The following PDE3B variants were observed in gnomAD, a reference collection of about 807,000 sequenced individuals.
PDE3B encodes phosphodiesterase 3B.
Under a neutral mutation model 116.8 loss-of-function variants are expected in PDE3B, and 66 were observed. The ratio of observed to expected loss-of-function variants is 0.56; its 90% confidence interval spans 0.46 to 0.69. The LOEUF (loss-of-function observed/expected upper bound fraction) is 0.69, where lower values mean the gene tolerates loss of function less well. PDE3B is among the 30% of genes least tolerant of loss of function. PDE3B has a pLI of 0.00. For missense variants in PDE3B, 1,384 were observed against 1,368.1 expected, an observed-to-expected ratio of 1.01 and a Z score of -0.18; for synonymous variants, 595 against 533.6, an observed-to-expected ratio of 1.12 and a Z score of -1.59.
the PDE3B span, among the ~76,000 whole-genome samples, chr11:14,881,042 T>C: frequency 1.3e-5 from 2 of 152,052 alleles, no homozygotes; most frequent in Non-Finnish European, 2.9e-5. Context: ...CCTGGTGAAA[T>C]AGGCCCAGGT....
At chr11:14,853,246 A>G (rs1422093783) in intron 12 of PDE3B, among the ~76,000 whole-genome samples, 5 of 151,998 alleles carry the variant, frequency 3.3e-5, no homozygotes, top group African/African-American at 1.2e-4. Flanking sequence ...ATCATTTAGG[A>G]TACTATATAT....
intron 1 of PDE3B, among the ~76,000 whole-genome samples, chr11:14,672,445 A>G (rs1051783302): frequency 2.6e-5 from 4 of 152,196 alleles, no homozygotes; most frequent in Admixed American, 6.6e-5. Context: ...GAAAATCACA[A>G]TGTTTTATTA....
chr11:14,878,192 G>T, the PDE3B span: 1 of 1,613,092 alleles, frequency 6.2e-7, no homozygotes, highest in African/African-American at 1.3e-5. Context: ...CTTCAGATCT[G>T]GAACTAGTTC....
chr11:14,848,619 C>G (rs1847667655), intron 12 of PDE3B, among the ~76,000 whole-genome samples: 1 of 152,174 alleles, frequency 6.6e-6, no homozygotes, highest in Non-Finnish European at 1.5e-5. Flanking sequence ...TCTCCTTAAG[C>G]TGATAAGCAA....
In PDE3B at chr11:14,765,324, A is replaced by G. The variant is rs1857468996; in HGVS notation, c.979-6613A>G. Among the ~76,000 whole-genome samples the G allele has an allele frequency of 2.0e-5, 3 of 152,122 alleles. No homozygotes were observed. The South Asian group carries it at 6.2e-4, about 32-fold the overall frequency. On this transcript the variant is annotated intron_variant, in intron 1 of 15. Transcript: ENST00000282096. ...TTGGCTACATAGAGAACAATGAAAT[A>G]AAGCCTCATTGACGTAATTGAACCT...
chr11:14,849,218 G>C (rs1408798126), intron 12 of PDE3B, among the ~76,000 whole-genome samples: 5 of 152,040 alleles, frequency 3.3e-5, no homozygotes, highest in South Asian at 4.1e-4. Flanking sequence ...ACAAACCTGA[G>C]AAAAACAAGC....
chr11:14,715,670 G>A (rs2133834088), intron 1 of PDE3B, among the ~76,000 whole-genome samples: 1 of 152,170 alleles, frequency 6.6e-6, no homozygotes, highest in African/African-American at 2.4e-5. Context: ...GAGACGATGG[G>A]GTTTTCTAAA....
chr11:14,675,904 TAA>T (rs1296799219), intron 1 of PDE3B, among the ~76,000 whole-genome samples: 3 of 152,138 alleles, frequency 2.0e-5, no homozygotes, highest in Non-Finnish European at 4.4e-5. Flanking sequence ...GGTAAATACC[TAA>T]GAGTGAAATT....
intron 1 of PDE3B, among the ~76,000 whole-genome samples, chr11:14,685,695 A>T (rs1332488976): frequency 6.6e-6 from 1 of 152,002 alleles, no homozygotes; most frequent in Non-Finnish European, 1.5e-5. Context: ...ACCTCAGGTG[A>T]TCCACGCGCC....
At chr11:14,857,291 G>A (rs964203657) in intron 12 of PDE3B, among the ~76,000 whole-genome samples, 3 of 152,192 alleles carry the variant, frequency 2.0e-5, no homozygotes, top group Non-Finnish European at 4.4e-5. Context: ...GCTTCTAAGA[G>A]CCCGCAGTAA....
At position 14,818,274 on chromosome 11, in the gene PDE3B, T is replaced by G; in HGVS notation, c.1614T>G (p.Pro538=). ...SLTNRSPIEF[P]DTADFLNKPS... is the part of the protein sequence containing the mutation. ...CTAATCGATCACCCATAGAATTTCCTGATACTGCTGATTTTCTTAATAAGC... is the reference window on the plus strand; with the variant it reads ...CTAATCGATCACCCATAGAATTTCCGGATACTGCTGATTTTCTTAATAAGC... Residue 538 remains proline (P), a synonymous_variant, in exon 6 of 16, where the codon CCT becomes CCG. Transcript: ENST00000282096. 6.2e-7 allele frequency: 1 copy of G among 1,613,364 alleles called. No individual in the cohort carries two copies. Among genetic ancestry groups the G allele is most frequent in the South Asian group, 1.1e-5 (1 of 91,064 alleles).
intron 12 of PDE3B, among the ~76,000 whole-genome samples, chr11:14,847,636 T>C (rs955551752): frequency 5.9e-5 from 9 of 151,790 alleles, no homozygotes; most frequent in Non-Finnish European, 1.3e-4. Context: ...ATAGACGCAA[T>C]AAAAAATGAT....
intron 1 of PDE3B, among the ~76,000 whole-genome samples, chr11:14,713,695 TACACACACACAC>T (rs68083046): frequency 2.7e-5 from 4 of 149,770 alleles, no homozygotes; most frequent in South Asian, 2.1e-4. Flanking sequence ...AAAAAATCTT[TACACACACACAC>T]ACACACACAC....
the PDE3B span, chr11:14,880,025 TG>T: frequency 9.9e-7 from 1 of 1,012,474 alleles, no homozygotes; most frequent in Non-Finnish European, 1.5e-6. Context: ...TATACTTGGC[TG>T]GCATCGCAGG....
At chr11:14,701,452 A>G (rs182520800) in intron 1 of PDE3B, among the ~76,000 whole-genome samples, 1 of 151,852 alleles carries the variant, frequency 6.6e-6, no homozygotes, top group Non-Finnish European at 1.5e-5. Context: ...CACATAGTTA[A>G]CAATAAGATA....
At chr11:14,815,142 A>G (rs989716638) in intron 5 of PDE3B, among the ~76,000 whole-genome samples, 3 of 152,172 alleles carry the variant, frequency 2.0e-5, no homozygotes, top group Admixed American at 2.0e-4. Context: ...ATCAAAAAAA[A>G]AAGTCATATA....
chr11:14,765,484 G>T (rs1260787839), intron 1 of PDE3B, among the ~76,000 whole-genome samples: 3 of 151,634 alleles, frequency 2.0e-5, no homozygotes, highest in African/African-American at 7.3e-5. Context: ...TAACCATAAA[G>T]AAAAAATGAA....
intron 1 of PDE3B, among the ~76,000 whole-genome samples, chr11:14,722,956 C>G (rs1234103519): frequency 6.6e-6 from 1 of 152,082 alleles, no homozygotes; most frequent in African/African-American, 2.4e-5. Context: ...TATGAAAGTA[C>G]ATTTATAGCC....
rs781936174 is a variant in PDE3B at position 14,869,597 on chromosome 11, G to A, written c.3276G>A (p.Glu1092=). 54 of 1,613,744 alleles carry A rather than the reference G, an allele frequency of 3.3e-5. No homozygotes were observed. In the Admixed American group the frequency reaches 8.8e-4, roughly 26 times the overall value. The part of the protein sequence containing the change: ...CKADGNKLQV[E]NSSLPQADEI... ...CTGATGGGAATAAACTGCAGGTGGA[G>A]AATTCCTCCTTACCTCAAGCAGATG... The change falls in exon 16 of 16, where the codon GAG becomes GAA. Residue 1092 remains glutamate, a synonymous_variant. Transcript: ENST00000282096.
Sources: gnomAD v4.1 joint callset for allele counts (sites outside exome capture counted in the v4.1 genomes callset) on GRCh38, gnomAD v4.1.1 for gene constraint, MANE v1.5 for transcripts, NCBI Gene and HGNC (gene_info 2026-07-23, HGNC 2026-07-21) for gene names.